GLI2: variants seen among roughly 807,000 people sequenced by gnomAD.
GLI2 encodes the protein transcription activator GLI2.
A neutral mutation model predicts 78.9 loss-of-function variants in GLI2; 22 were observed. That is an observed-to-expected ratio of 0.28 (90% CI 0.20 to 0.40). The LOEUF (loss-of-function observed/expected upper bound fraction) is 0.40, where lower values mean the gene tolerates loss of function less well. Among genes scored for constraint, GLI2 ranks in the 10% least tolerant of loss-of-function variants. The pLI is 1.00. For missense variants in GLI2, 2,097 were observed against 2,213.2 expected (o/e 0.95, Z 1.05); for synonymous variants, 974 against 963.7 (o/e 1.01, Z -0.20).
chr2:120,792,229 C>T (rs1395226541), intron 1 of GLI2: 1 of 152,226 alleles, frequency 6.6e-6, no homozygotes, highest in Non-Finnish European at 1.5e-5. Context: ...CAAGCAAGTC[C>T]TTTAACTCAG....
chr2:120,919,144 G>A (rs1679245910), intron 2 of GLI2, among the ~76,000 whole-genome samples: 1 of 152,220 alleles, frequency 6.6e-6, no homozygotes. Context: ...CTACACTTTG[G>A]TGTGAATCCA....
rs1234597039 is a variant in GLI2 at position 120,955,421 on chromosome 2, C to G, written c.634C>G (p.Pro212Ala). The G allele has an allele frequency of 3.1e-6, 5 of 1,600,338 alleles. No individual in the cohort carries two copies. In the African/African-American group the frequency reaches 6.7e-5, roughly 21 times the overall value. ...SAPHLHDYLN[P>A]VDVSRFSSPR... ...ACCCCATCTCCACGACTACCTCAAC[C>G]CCGTGGACGGTGAGTGCTGGCCCCC... is the stretch of plus-strand genomic sequence containing the variant. The change falls in exon 5 of 14, where the codon CCC becomes GCC. Residue 212 changes from proline (P) to alanine (A), a missense_variant. By Grantham distance (27) the Pro-to-Ala change is conservative. Coordinates refer to ENST00000361492, the MANE Select transcript of GLI2 (RefSeq NM_001374353.1).
chr2:120,924,659 G>T (rs79919107), intron 2 of GLI2, among the ~76,000 whole-genome samples: 2 of 152,144 alleles, frequency 1.3e-5, no homozygotes. Context: ...TTGGGAAAGC[G>T]AACACTGTTT....
At chr2:120,863,766 A>G (rs1240791420) in intron 2 of GLI2, among the ~76,000 whole-genome samples, 1 of 152,224 alleles carries the variant, frequency 6.6e-6, no homozygotes, top group African/African-American at 2.4e-5. Context: ...CTGTATTCAG[A>G]ACAACATAAA....
intron 2 of GLI2, among the ~76,000 whole-genome samples, chr2:120,894,000 T>A (rs1467637037): frequency 6.6e-6 from 1 of 152,244 alleles, no homozygotes; most frequent in Non-Finnish European, 1.5e-5. Context: ...AAACGTCCCC[T>A]GCAGAATAAA....
Position 120,970,296 on chromosome 2 carries a change from C to G in GLI2, c.846-97C>G, listed in dbSNP as rs531180096. On this transcript the variant is annotated intron_variant, in intron 6 of 13. Coordinates refer to ENST00000361492, the MANE Select transcript of GLI2 (RefSeq NM_001374353.1). ...TGGTGGGGCTAGCAACATGCTCATC[C>G]CTATCCCCTGGGCAAGGTTCTCTCT... is the stretch of plus-strand genomic sequence containing the variant. The G allele has an allele frequency of 6.5e-4, 465 of 719,798 alleles. 1 individual carries two copies. Among genetic ancestry groups the G allele is most frequent in the Admixed American group, 1.0e-3 (50 of 49,910 alleles). The allele number at this position is 719,798 out of a possible 1,614,324, so 44.6% of individuals were successfully genotyped here.
intron 2 of GLI2, among the ~76,000 whole-genome samples, chr2:120,912,153 C>T (rs966556718): frequency 1.3e-5 from 2 of 152,148 alleles, no homozygotes; most frequent in Admixed American, 6.5e-5. Context: ...TCTCCGGCCC[C>T]GAAACACATT....
At position 120,984,697 on chromosome 2, in the gene GLI2, T is replaced by C; in HGVS notation, c.1859T>C (p.Val620Ala). ...GAGGCCAGCAGCACCAGCCAGGCCG[T>C]GGAGGACTGCCTGCACGTCAGAGCC... is the stretch of plus-strand genomic sequence containing the variant. ...STEASSTSQA[V>A]EDCLHVRAIK... The change falls in exon 12 of 14, where the codon GTG becomes GCG. Residue 620 changes from valine to alanine, a missense_variant. Physicochemically the swap from Val to Ala is moderately conservative, Grantham distance 64. This residue lies in a region of GLI2 where 68 missense variants were observed against 104.4 expected (regional missense o/e 0.65). Coordinates refer to ENST00000361492, the MANE Select transcript of GLI2 (RefSeq NM_001374353.1). 6.2e-7 allele frequency: 1 copy of C among 1,613,558 alleles called. No homozygotes were observed.
intron 2 of GLI2, among the ~76,000 whole-genome samples, chr2:120,908,625 C>A (rs957645329): frequency 1.3e-5 from 2 of 152,172 alleles, no homozygotes; most frequent in South Asian, 2.1e-4. Flanking sequence ...CCCCTGCCCC[C>A]CAACAGACCT....
At chr2:120,801,300 G>A (rs1489866843) in intron 2 of GLI2, among the ~76,000 whole-genome samples, 5 of 152,000 alleles carry the variant, frequency 3.3e-5, no homozygotes, top group South Asian at 2.1e-4. Context: ...CACCATGCCC[G>A]GCTAATTTTT....
In GLI2 at chr2:120,976,196, A is replaced by G. The variant is rs1157124554; in HGVS notation, c.1317+1087A>G. Among the ~76,000 whole-genome samples, 4 of 152,370 alleles carry G rather than the reference A, an allele frequency of 2.6e-5. No homozygotes were observed. The East Asian group carries it at 7.7e-4, about 29-fold the overall frequency. On this transcript the variant is annotated intron_variant, in intron 9 of 13. Transcript: ENST00000361492. Reference sequence around the variant, plus strand: ...CACACGCACGTGCACACACATGCACACACACACATGCACGCGTCTCCGATT... The same window carrying G: ...CACACGCACGTGCACACACATGCACGCACACACATGCACGCGTCTCCGATT...
At chr2:120,816,617 T>C (rs1685506110) in intron 2 of GLI2, among the ~76,000 whole-genome samples, 1 of 150,780 alleles carries the variant, frequency 6.6e-6, no homozygotes, top group Admixed American at 6.7e-5. Context: ...ATGATACAAC[T>C]ATTATATTTA....
At chr2:120,795,646 C>T (rs1207794803) in intron 1 of GLI2, among the ~76,000 whole-genome samples, 6 of 151,870 alleles carry the variant, frequency 4.0e-5, no homozygotes, top group Non-Finnish European at 8.8e-5. Context: ...CTGCGACCCC[C>T]GTCCCCACAC....
intron 10 of GLI2, among the ~76,000 whole-genome samples, chr2:120,981,083 G>A (rs1682699046): frequency 6.6e-6 from 1 of 152,104 alleles, no homozygotes; most frequent in Admixed American, 6.5e-5. Context: ...GTTTCACCAT[G>A]ATGGCCAGGC....
chr2:120,843,069 G>A (rs1181334140), intron 2 of GLI2, among the ~76,000 whole-genome samples: 1 of 152,102 alleles, frequency 6.6e-6, no homozygotes, highest in Non-Finnish European at 1.5e-5. Context: ...CTTTGTTTTT[G>A]ACGTAACCCA....
intron 10 of GLI2, among the ~76,000 whole-genome samples, chr2:120,980,884 ATTTTT>A (rs58013537): frequency 1.4e-5 from 2 of 146,706 alleles, no homozygotes; most frequent in Non-Finnish European, 3.0e-5. Flanking sequence ...TTTGGAGTTA[ATTTTT>A]TTTTTTTTTG....
intron 9 of GLI2, 48 bp from the exon 10 acceptor site, chr2:120,978,386 T>C: frequency 6.2e-7 from 1 of 1,609,828 alleles, no homozygotes; most frequent in South Asian, 1.1e-5. Flanking sequence ...GGGTGGTCTG[T>C]GGGCCTCTGG....
At chr2:120,831,503 G>A (rs1260386171) in intron 2 of GLI2, among the ~76,000 whole-genome samples, 2 of 152,188 alleles carry the variant, frequency 1.3e-5, no homozygotes. Context: ...CCACAAGCAG[G>A]ACAGCTCACA....
chr2:120,932,001 G>A (rs1293912958), intron 3 of GLI2, among the ~76,000 whole-genome samples: 1 of 152,034 alleles, frequency 6.6e-6, no homozygotes, highest in African/African-American at 2.4e-5. Context: ...GAGCCTCGGG[G>A]CTGGCCCTGG....
Sources: gnomAD v4.1 joint callset for allele counts (sites outside exome capture counted in the v4.1 genomes callset) on GRCh38, gnomAD v4.1.1 for gene constraint, gnomAD v4.1.1 regional missense constraint, MANE v1.5 for transcripts, NCBI Gene and HGNC (gene_info 2026-07-23, HGNC 2026-07-21) for gene names.